SLC9A9: variants seen among roughly 807,000 people sequenced by gnomAD.
SLC9A9 encodes the protein sodium/hydrogen exchanger 9.
Under a neutral mutation model 77.8 loss-of-function variants are expected in SLC9A9, and 62 were observed. That is an observed-to-expected ratio of 0.80 (90% CI 0.65 to 0.98). The LOEUF (loss-of-function observed/expected upper bound fraction) is 0.98, where lower values mean the gene tolerates loss of function less well. SLC9A9 is among the 50% of genes least tolerant of loss of function. SLC9A9 has a pLI of 0.00. For missense variants in SLC9A9, 775 were observed against 774.9 expected, an observed-to-expected ratio of 1.00 and a Z score of 0.00; for synonymous variants, 320 against 283.5, an observed-to-expected ratio of 1.13 and a Z score of -1.29.
intron 9 of SLC9A9, among the ~76,000 whole-genome samples, chr3:143,530,015 G>C (rs576945547): frequency 2.0e-5 from 3 of 152,232 alleles, no homozygotes; most frequent in Admixed American, 2.0e-4. Context: ...TTAGAACCCT[G>C]GGAAAGCAGC....
intron 9 of SLC9A9, among the ~76,000 whole-genome samples, chr3:143,542,866 C>A (rs1050748931): frequency 6.6e-6 from 1 of 152,110 alleles, no homozygotes; most frequent in African/African-American, 2.4e-5. Context: ...TTCATATAGA[C>A]CACAATATCC....
chr3:143,482,888 G>A (rs1033645179), intron 11 of SLC9A9, among the ~76,000 whole-genome samples: 9 of 152,026 alleles, frequency 5.9e-5, no homozygotes, highest in African/African-American at 1.2e-4. Flanking sequence ...TTGTTCACTC[G>A]TGGCATTAAC....
At chr3:143,631,656 T>A (rs190339129) in intron 6 of SLC9A9, among the ~76,000 whole-genome samples, 1 of 152,136 alleles carries the variant, frequency 6.6e-6, no homozygotes, top group East Asian at 1.9e-4. Flanking sequence ...CTAGGCTCAG[T>A]TTGGAGGTGT....
At chr3:143,580,111 A>C (rs1301613212) in intron 6 of SLC9A9, among the ~76,000 whole-genome samples, 1 of 152,190 alleles carries the variant, frequency 6.6e-6, no homozygotes, top group Non-Finnish European at 1.5e-5. Flanking sequence ...AAAAAAGGAA[A>C]AGTAAACCCA....
intron 6 of SLC9A9, among the ~76,000 whole-genome samples, chr3:143,610,912 T>C (rs2038012824): frequency 6.6e-6 from 1 of 151,946 alleles, no homozygotes; most frequent in Admixed American, 6.6e-5. Context: ...CTTTTTCACC[T>C]CCCTCTTAAA....
At chr3:143,478,218 A>G (rs1269332741) in intron 11 of SLC9A9, among the ~76,000 whole-genome samples, 2 of 152,242 alleles carry the variant, frequency 1.3e-5, no homozygotes, top group East Asian at 3.8e-4. Flanking sequence ...TGCATTTTAA[A>G]TACTTGTTAA....
At chr3:143,586,656 AT>A (rs2037546387) in intron 6 of SLC9A9, among the ~76,000 whole-genome samples, 1 of 152,194 alleles carries the variant, frequency 6.6e-6, no homozygotes, top group African/African-American at 2.4e-5. Flanking sequence ...TAAGGAATTG[AT>A]TTTTATGGGG....
chr3:143,548,732 C>T (rs2036831822), intron 9 of SLC9A9, among the ~76,000 whole-genome samples: 1 of 152,164 alleles, frequency 6.6e-6, no homozygotes, highest in Non-Finnish European at 1.5e-5. Flanking sequence ...GAAGTTCCTA[C>T]ATCTAAAGGG....
intron 4 of SLC9A9, among the ~76,000 whole-genome samples, chr3:143,752,939 C>T (rs772019535): frequency 7.9e-5 from 12 of 152,108 alleles, no homozygotes; most frequent in Non-Finnish European, 1.5e-4. Context: ...AGTTTCCTGG[C>T]GTAAGGAGTC....
chr3:143,670,966 T>G (rs1411521222), intron 5 of SLC9A9, among the ~76,000 whole-genome samples: 2 of 152,218 alleles, frequency 1.3e-5, no homozygotes, highest in East Asian at 1.9e-4. Context: ...CACTGTTCTA[T>G]TTTGAGAAAC....
intron 13 of SLC9A9, among the ~76,000 whole-genome samples, chr3:143,378,901 T>C (rs2033239789): frequency 2.6e-5 from 4 of 152,154 alleles, no homozygotes; most frequent in Admixed American, 2.6e-4. Context: ...ATTCTAAAGG[T>C]ATTGTATGGC....
intron 12 of SLC9A9, among the ~76,000 whole-genome samples, chr3:143,430,536 G>A (rs1004317864): frequency 6.6e-6 from 1 of 152,160 alleles, no homozygotes; most frequent in Admixed American, 6.5e-5. Flanking sequence ...GTCTACCTGG[G>A]GCCCTGTGGA....
intron 4 of SLC9A9, among the ~76,000 whole-genome samples, chr3:143,695,867 C>T (rs899409373): frequency 2.6e-5 from 4 of 152,138 alleles, no homozygotes; most frequent in Non-Finnish European, 5.9e-5. Flanking sequence ...GAGATGGTTT[C>T]TCGTTGTGGT....
intron 12 of SLC9A9, among the ~76,000 whole-genome samples, chr3:143,432,382 AC>A (rs1251222151): frequency 6.6e-6 from 1 of 152,168 alleles, no homozygotes; most frequent in Non-Finnish European, 1.5e-5. Flanking sequence ...CCTCAACTAG[AC>A]TAGGCTCATT....
Position 143,266,888 on chromosome 3 carries a change from C to A in SLC9A9, c.1752G>T (p.Gln584His), listed in dbSNP as rs144511019. 6.2e-7 allele frequency: 1 copy of A among 1,613,998 alleles called. No homozygotes were observed. Among genetic ancestry groups the A allele is most frequent in the African/African-American group, 1.3e-5 (1 of 74,922 alleles). ...KEDDVECIVN[Q>H]DELAINYQEQ... ...CCTGGTAATTTATGGCTAGTTCATCCTGGTTTACAATGCATTCCACATCAT... is the reference window on the plus strand; with the variant it reads ...CCTGGTAATTTATGGCTAGTTCATCATGGTTTACAATGCATTCCACATCAT... The change falls in exon 16 of 16, where the codon CAG becomes CAT. Residue 584 changes from glutamine to histidine, a missense_variant. Physicochemically the swap from Gln to His is conservative, Grantham distance 24. Transcript: ENST00000316549.
intron 6 of SLC9A9, among the ~76,000 whole-genome samples, chr3:143,623,980 T>C (rs1164218362): frequency 6.6e-6 from 1 of 152,142 alleles, no homozygotes; most frequent in Non-Finnish European, 1.5e-5. Flanking sequence ...GAGAATACTA[T>C]AAACACCTCT....
chr3:143,606,426 CTCTCTCTCTCTA>C (rs1394652614), intron 6 of SLC9A9, among the ~76,000 whole-genome samples: 920 of 73,918 alleles, frequency 0.012, 3 homozygotes, highest in African/African-American at 0.021. Flanking sequence ...CTCTCTCTCT[CTCTCTCTCTCTA>C]TATATATATA....
At chr3:143,442,062 C>G (rs532822299) in intron 12 of SLC9A9, among the ~76,000 whole-genome samples, 1 of 152,302 alleles carries the variant, frequency 6.6e-6, no homozygotes, top group Non-Finnish European at 1.5e-5. Flanking sequence ...TCCACCCACC[C>G]ACTCATCAAT....
intron 8 of SLC9A9, among the ~76,000 whole-genome samples, chr3:143,573,601 C>T (rs1479872725): frequency 1.3e-5 from 2 of 152,162 alleles, no homozygotes; most frequent in East Asian, 1.9e-4. Flanking sequence ...ACAGCCACCA[C>T]ATTTGCTGTT....
Sources: allele counts gnomAD v4.1 joint callset (sites outside exome capture counted in the v4.1 genomes callset), GRCh38; gene constraint gnomAD v4.1.1; transcripts MANE v1.5; gene names NCBI Gene and HGNC (gene_info 2026-07-23, HGNC 2026-07-21).